PCP4: variants seen among roughly 807,000 people sequenced by gnomAD.
PCP4 encodes the protein calmodulin regulator protein PCP4.
PCP4 carries 8 observed loss-of-function variants against 10.0 expected under a neutral mutation model. That is an observed-to-expected ratio of 0.80 (90% CI 0.47 to 1.45). PCP4 has a LOEUF of 1.45. PCP4 is among the 40% of genes most tolerant of loss of function. The pLI is 0.00. For synonymous variants in PCP4, 21 were observed against 23.0 expected (o/e 0.91, Z 0.24); for missense variants, 54 against 74.4 (o/e 0.73, Z 1.01).
In PCP4 at chr21:39,901,398, C is replaced by G. The variant is rs192644246; in HGVS notation, c.61+2871C>G. On this transcript the variant is annotated intron_variant, in intron 2 of 2. Coordinates refer to ENST00000328619, the MANE Select transcript of PCP4 (RefSeq NM_006198.3). ...GAAGACCAGGCACATGGTGACGAAG[C>G]CAGGACTAGGTCCTATGTGTTCGAT... is the stretch of plus-strand genomic sequence containing the variant. 3.0e-3 allele frequency among the ~76,000 whole-genome samples: 453 copies of G among 152,328 alleles called. 3 individuals carry two copies. Among genetic ancestry groups the G allele is most frequent in the African/African-American group, 0.01 (425 of 41,572 alleles).
chr21:39,876,026 G>GT, intron 1 of PCP4, among the ~76,000 whole-genome samples: 1 of 151,814 alleles, frequency 6.6e-6, no homozygotes, highest in South Asian at 2.1e-4. Context: ...TGTTTGTGCT[G>GT]ATGGTGTTAG....
chr21:39,892,519 A>C (rs1301643077), intron 1 of PCP4, among the ~76,000 whole-genome samples: 1 of 152,038 alleles, frequency 6.6e-6, no homozygotes, highest in Non-Finnish European at 1.5e-5. Context: ...CTCGGGGGCC[A>C]CACTGCAAGA....
intron 1 of PCP4, among the ~76,000 whole-genome samples, chr21:39,889,874 C>T (rs1191258153): frequency 6.6e-6 from 1 of 152,150 alleles, no homozygotes; most frequent in Admixed American, 6.5e-5. Flanking sequence ...ATGAAAAATA[C>T]GTGTCTTTTA....
At chr21:39,927,279 G>GATCTATCTATCTATCTATCT (rs10526940) in intron 2 of PCP4, among the ~76,000 whole-genome samples, 2 of 139,214 alleles carry the variant, frequency 1.4e-5, no homozygotes, top group African/African-American at 5.3e-5. Flanking sequence ...CTGTCTCTCT[G>GATCTATCTATCTATCTATCT]ATCTATCTAT....
At position 39,906,130 on chromosome 21, in the gene PCP4, G is replaced by GTC. The variant is rs2087507827; in HGVS notation, c.61+7603_61+7604insTC. Among the ~76,000 whole-genome samples the GTC allele has an allele frequency of 2.6e-5, 4 of 152,222 alleles. No individual in the cohort carries two copies. The highest frequency in any genetic ancestry group is 9.6e-5 in the African/African-American group (4 of 41,452). On this transcript the variant is annotated intron_variant, in intron 2 of 2. Coordinates refer to ENST00000328619, the MANE Select transcript of PCP4 (RefSeq NM_006198.3). This position sits in a 1 kb window ranked among gnomAD's most constrained non-coding sequence, Gnocchi z 6.3. ...TTGGGAGAGGATCTCAGGCAAAGTT[G>GTC]CTGGTGAACTCAGGATTGTCCTAAG...
chr21:39,902,991 A>G (rs932954028), intron 2 of PCP4, among the ~76,000 whole-genome samples: 1 of 152,322 alleles, frequency 6.6e-6, no homozygotes, highest in South Asian at 2.1e-4. Context: ...ATTCACCACA[A>G]ATTAGTAATT....
chr21:39,880,118 A>ATATATCTG (rs1568850589), intron 1 of PCP4, among the ~76,000 whole-genome samples: 2 of 137,890 alleles, frequency 1.5e-5, no homozygotes, highest in Non-Finnish European at 3.1e-5. Flanking sequence ...ATCTATATCT[A>ATATATCTG]TATCTATATC....
chr21:39,912,616 A>G (rs1488359851), intron 2 of PCP4, among the ~76,000 whole-genome samples: 1 of 152,114 alleles, frequency 6.6e-6, no homozygotes, highest in African/African-American at 2.4e-5. Flanking sequence ...AAAAGTCTGG[A>G]GCTTCAGAAC....
chr21:39,868,209 A>C (rs911159194), intron 1 of PCP4, among the ~76,000 whole-genome samples: 1 of 152,136 alleles, frequency 6.6e-6, no homozygotes. Context: ...CTTTTTTCTC[A>C]TCTATGAAGC....
At chr21:39,889,008 C>A (rs1336168044) in intron 1 of PCP4, among the ~76,000 whole-genome samples, 1 of 152,216 alleles carries the variant, frequency 6.6e-6, no homozygotes, top group African/African-American at 2.4e-5. Flanking sequence ...CCGTGAGAGG[C>A]TGACAGCAAG....
intron 2 of PCP4, among the ~76,000 whole-genome samples, chr21:39,904,307 T>C (rs987140158): frequency 6.6e-6 from 1 of 152,188 alleles, no homozygotes; most frequent in Admixed American, 6.5e-5. Context: ...GTGTTCTTGG[T>C]GCAAGATTAT....
chr21:39,894,226 T>C (rs897622158), intron 1 of PCP4, among the ~76,000 whole-genome samples: 8 of 152,162 alleles, frequency 5.3e-5, no homozygotes. Flanking sequence ...GTGGTTGAAG[T>C]TGATGTGACT....
At chr21:39,868,433 C>T (rs1332873542) in intron 1 of PCP4, among the ~76,000 whole-genome samples, 1 of 152,184 alleles carries the variant, frequency 6.6e-6, no homozygotes, top group Non-Finnish European at 1.5e-5. Flanking sequence ...TTTTATCTCT[C>T]TGATGGGTGA....
At chr21:39,884,659 TGGTGGC>T (rs2087391266) in intron 1 of PCP4, among the ~76,000 whole-genome samples, 1 of 151,794 alleles carries the variant, frequency 6.6e-6, no homozygotes, top group Non-Finnish European at 1.5e-5. Flanking sequence ...TAGCCAGGCG[TGGTGGC>T]ATGTGCCTGT....
rs201770920 is a variant in PCP4, at chr21:39,929,122, C to T, written c.*11C>T. The T allele has an allele frequency of 6.2e-7, 1 of 1,602,740 alleles. No individual in the cohort carries two copies. On this transcript the variant is annotated 3_prime_UTR_variant, in exon 3 of 3. Coordinates refer to ENST00000328619, the MANE Select transcript of PCP4 (RefSeq NM_006198.3). ...GGGTCTCAGTCCTAGTGGGAGAACC[C>T]CCTCCTAGTCCACCTGAAAACACCA...
At chr21:39,919,756 ATG>A (rs1311418609) in intron 2 of PCP4, among the ~76,000 whole-genome samples, 6 of 133,224 alleles carry the variant, frequency 4.5e-5, no homozygotes, top group African/African-American at 1.7e-4. Flanking sequence ...GTGGTGTGTA[ATG>A]TGTATTTGTG....
At chr21:39,868,534 G>C (rs2146321960) in intron 1 of PCP4, among the ~76,000 whole-genome samples, 1 of 152,310 alleles carries the variant, frequency 6.6e-6, no homozygotes, top group East Asian at 1.9e-4. Flanking sequence ...GAGGCAGGGA[G>C]AGACCAACTG....
chr21:39,877,033 G>A (rs1204935770), intron 1 of PCP4, among the ~76,000 whole-genome samples: 4 of 152,206 alleles, frequency 2.6e-5, no homozygotes, highest in African/African-American at 9.7e-5. Flanking sequence ...AGTGTCCAAC[G>A]ATGAATCTTG....
rs930576709 is a variant in PCP4, at chr21:39,906,037, G to A, written c.61+7510G>A. Among the ~76,000 whole-genome samples the A allele has an allele frequency of 2.6e-5, 4 of 152,154 alleles. No individual in the cohort carries two copies. The highest frequency in any genetic ancestry group is 4.4e-5 in the Non-Finnish European group (3 of 68,040). On this transcript the variant is annotated intron_variant, in intron 2 of 2. Transcript: ENST00000328619. This position sits in a 1 kb window ranked among gnomAD's most constrained non-coding sequence, Gnocchi z 6.3. ...TGCACTCCAACCTGGGTGACAGAGC[G>A]AGACTCCGTCTCAAAATGCTCCCCC...
Sources: gnomAD v4.1 joint callset for allele counts (sites outside exome capture counted in the v4.1 genomes callset) on GRCh38, gnomAD v4.1.1 for gene constraint, Gnocchi (gnomAD v3.1) non-coding constraint, MANE v1.5 for transcripts, NCBI Gene and HGNC (gene_info 2026-07-23, HGNC 2026-07-21) for gene names.